ITFG1: variants seen among roughly 807,000 people sequenced by gnomAD.
ITFG1 encodes T-cell immunomodulatory protein.
Under a neutral mutation model 81.8 loss-of-function variants are expected in ITFG1, and 34 were observed. The ratio of observed to expected loss-of-function variants is 0.42; its 90% CI spans 0.32 to 0.55. ITFG1 has a LOEUF of 0.55. Among genes scored for constraint, ITFG1 ranks in the 20% least tolerant of loss-of-function variants. The pLI is 0.17. For synonymous variants in ITFG1, 285 were observed against 270.6 expected, an observed-to-expected ratio of 1.05 and a Z score of -0.52; for missense variants, 672 against 755.4, an observed-to-expected ratio of 0.89 and a Z score of 1.29.
chr16:47,434,558 G>C (rs1294507460), intron 5 of ITFG1, among the ~76,000 whole-genome samples: 2 of 152,130 alleles, frequency 1.3e-5, no homozygotes, highest in African/African-American at 4.8e-5. Flanking sequence ...AACAGATTCT[G>C]GCAAGGTTGT....
intron 10 of ITFG1, among the ~76,000 whole-genome samples, chr16:47,281,439 G>A (rs1445690556): frequency 6.6e-6 from 1 of 152,126 alleles, no homozygotes; most frequent in Non-Finnish European, 1.5e-5. Context: ...CTATTTTCTG[G>A]AAGAGCTTAT....
chr16:47,322,661 G>C (rs1967466210), intron 8 of ITFG1, among the ~76,000 whole-genome samples: 1 of 152,206 alleles, frequency 6.6e-6, no homozygotes, highest in Admixed American at 6.5e-5. Context: ...CTGCACTCCA[G>C]CCTGGGCGAT....
chr16:47,364,558 T>C (rs1488814561), intron 8 of ITFG1, among the ~76,000 whole-genome samples: 1 of 152,214 alleles, frequency 6.6e-6, no homozygotes, highest in East Asian at 1.9e-4. Flanking sequence ...TTAATCTAGC[T>C]AATCAAATTA....
At chr16:47,339,513 A>G (rs938988131) in intron 8 of ITFG1, among the ~76,000 whole-genome samples, 2 of 152,248 alleles carry the variant, frequency 1.3e-5, no homozygotes, top group South Asian at 2.1e-4. Flanking sequence ...CAAAATGAGA[A>G]TATCAATAAG....
At chr16:47,339,027 T>A (rs1967746975) in intron 8 of ITFG1, among the ~76,000 whole-genome samples, 1 of 152,192 alleles carries the variant, frequency 6.6e-6, no homozygotes, top group Non-Finnish European at 1.5e-5. Flanking sequence ...AATTTTTAGA[T>A]CCCATAAATA....
intron 6 of ITFG1, among the ~76,000 whole-genome samples, chr16:47,376,194 C>T (rs1173635778): frequency 2.0e-5 from 3 of 151,540 alleles, no homozygotes; most frequent in Middle Eastern, 3.4e-3. Flanking sequence ...AGTTATGTGT[C>T]GCACTTTTTT....
chr16:47,257,476 A>G (rs913331561), intron 12 of ITFG1, among the ~76,000 whole-genome samples: 4 of 152,218 alleles, frequency 2.6e-5, no homozygotes, highest in Admixed American at 2.0e-4. Flanking sequence ...GGATACTACT[A>G]GCATGGGTGG....
chr16:47,182,079 G>C lies in ITFG1; in HGVS notation c.1454-19415C>G, dbSNP rs181409249. ...CAGGGTCCTCTGCCTAGGAAAACCA[G>C]ATACCTTTGTTCACTTGTTTATCTG... On this transcript the variant is annotated intron_variant, in intron 14 of 17. Coordinates refer to ENST00000320640, the MANE Select transcript of ITFG1 (RefSeq NM_030790.5). 7.9e-5 allele frequency among the ~76,000 whole-genome samples: 12 copies of C among 151,838 alleles called. No homozygotes were observed. In the East Asian group the frequency reaches 2.3e-3, roughly 29 times the overall value.
intron 8 of ITFG1, among the ~76,000 whole-genome samples, chr16:47,334,035 A>G (rs183056449): frequency 2.0e-5 from 3 of 152,370 alleles, no homozygotes; most frequent in Admixed American, 6.5e-5. Flanking sequence ...TTGTGAAATA[A>G]TAGTGTTAGT....
chr16:47,295,689 T>A (rs532072507), intron 10 of ITFG1, among the ~76,000 whole-genome samples: 1 of 152,324 alleles, frequency 6.6e-6, no homozygotes, highest in African/African-American at 2.4e-5. Flanking sequence ...TTTATCTGAA[T>A]CTTCTGTTTC....
chr16:47,249,125 A>C (rs1966036353), intron 12 of ITFG1, among the ~76,000 whole-genome samples: 1 of 152,212 alleles, frequency 6.6e-6, no homozygotes, highest in Admixed American at 6.5e-5. Context: ...ATTATTTGTA[A>C]TCATACTATG....
intron 6 of ITFG1, among the ~76,000 whole-genome samples, chr16:47,422,103 A>G (rs998330202): frequency 6.6e-6 from 1 of 152,144 alleles, no homozygotes; most frequent in South Asian, 2.1e-4. Flanking sequence ...GTTGGTTCCA[A>G]GTCTTTGCTA....
At chr16:47,336,377 C>G (rs1376861702) in intron 8 of ITFG1, among the ~76,000 whole-genome samples, 3 of 152,174 alleles carry the variant, frequency 2.0e-5, no homozygotes, top group Non-Finnish European at 4.4e-5. Flanking sequence ...CTGCTGCTCT[C>G]GGCTGTGGTA....
intron 12 of ITFG1, among the ~76,000 whole-genome samples, chr16:47,251,446 G>T (rs1319597163): frequency 1.7e-5 from 2 of 116,244 alleles, no homozygotes; most frequent in Non-Finnish European, 3.5e-5. Context: ...CACCCCGCCC[G>T]CACTACCCAC....
At chr16:47,334,121 T>C (rs1181196377) in intron 8 of ITFG1, among the ~76,000 whole-genome samples, 1 of 152,230 alleles carries the variant, frequency 6.6e-6, no homozygotes, top group South Asian at 2.1e-4. Context: ...CCATGAATGT[T>C]ACTCTCATTC....
At chr16:47,238,119 C>T (rs954762993) in intron 12 of ITFG1, 111 bp from the exon 13 acceptor site, 6 of 627,044 alleles carry the variant, frequency 9.6e-6, no homozygotes, top group Non-Finnish European at 1.7e-5. Flanking sequence ...TAATCACAAG[C>T]AGAAACCAAT....
At chr16:47,443,657 C>G (rs1413203709) in intron 5 of ITFG1, among the ~76,000 whole-genome samples, 1 of 152,066 alleles carries the variant, frequency 6.6e-6, no homozygotes, top group South Asian at 2.1e-4. Context: ...GAGAAAAAAC[C>G]AAACACCGCA....
At position 47,161,745 on chromosome 16, in the gene ITFG1, A is replaced by T; in HGVS notation, c.1661+5T>A. The T allele has an allele frequency of 6.3e-7, 1 of 1,591,392 alleles. No homozygotes were observed. The highest frequency in any genetic ancestry group is 8.6e-7 in the Non-Finnish European group (1 of 1,159,484). On this transcript the variant is annotated splice_donor_5th_base_variant and intron_variant, in intron 16 of 17. Coordinates refer to ENST00000320640, the MANE Select transcript of ITFG1 (RefSeq NM_030790.5). ...TTACCAAATCGGTTCAAGCAAGTAC[A>T]TTACCTTCGAGGGACATTGTGAGGG...
chr16:47,432,456 A>G (rs1969107655), intron 5 of ITFG1, among the ~76,000 whole-genome samples: 1 of 152,102 alleles, frequency 6.6e-6, no homozygotes, highest in Non-Finnish European at 1.5e-5. Flanking sequence ...TCAGGAGAAA[A>G]TTTTCTCTAC....
Sources: gnomAD v4.1 joint callset for allele counts (sites outside exome capture counted in the v4.1 genomes callset) on GRCh38, gnomAD v4.1.1 for gene constraint, MANE v1.5 for transcripts, NCBI Gene and HGNC (gene_info 2026-07-23, HGNC 2026-07-21) for gene names.